Variants in CD209 observed in about 807,000 individuals in gnomAD.
CD209 encodes the protein CD209 antigen.
A neutral mutation model predicts 44.7 loss-of-function variants in CD209; 31 were observed. The ratio of observed to expected loss-of-function variants is 0.69; its 90% confidence interval spans 0.52 to 0.94. CD209 has a LOEUF of 0.94. CD209 is among the 40% of genes least tolerant of loss of function. CD209 has a pLI of 0.00. For missense variants in CD209, 407 were observed against 452.4 expected, an observed-to-expected ratio of 0.90 and a Z score of 0.91; for synonymous variants, 173 against 181.3, an observed-to-expected ratio of 0.95 and a Z score of 0.37.
Position 7,741,132 on chromosome 19 carries a change from C to A in CD209, c.*1907G>T. On this transcript the variant is annotated 3_prime_UTR_variant, in exon 7 of 7. Transcript: ENST00000315599. ...TGGAGTACAGCGAGGAAGAAACCTA[C>A]CAACAGTTCCTAGATTTCTGTGAGG... 1 of 1,072,902 alleles carries A rather than the reference C, an allele frequency of 9.3e-7. No homozygotes were observed. The highest frequency in any genetic ancestry group is 1.4e-6 in the Non-Finnish European group (1 of 734,080). 66.5% of individuals were successfully genotyped at this position (1,072,902 alleles called of 1,614,324 possible).
At position 7,746,026 on chromosome 19, in the gene CD209, G is replaced by A; in HGVS notation, c.240C>T (p.Asn80=). 1 of 1,614,228 alleles carries A rather than the reference G, an allele frequency of 6.2e-7. No homozygotes were observed. The highest frequency in any genetic ancestry group is 8.5e-7 in the Non-Finnish European group (1 of 1,180,032). Residue 80 remains asparagine, a synonymous_variant, in exon 4 of 7, where the codon AAC becomes AAT. Transcript: ENST00000315599. ...CCACTGCAGCTTTAAGCTGGGTCAG[G>A]TTCTGGTAGATCGCGTCTTGCCTGG... ...EQSRQDAIYQ[N]LTQLKAAVGE...
At chr19:7,744,033 A>G (rs893185978) in intron 6 of CD209, 74 bp downstream of exon 6, 2 of 1,224,886 alleles carry the variant, frequency 1.6e-6, no homozygotes, top group African/African-American at 3.0e-5. Context: ...GTTGGGGAGG[A>G]TCCCCAGGGA....
In CD209 at chr19:7,741,795, C is replaced by G; in HGVS notation, c.*1244G>C. On this transcript the variant is annotated 3_prime_UTR_variant, in exon 7 of 7. Coordinates refer to ENST00000315599, the MANE Select transcript of CD209 (RefSeq NM_021155.4). ...TTGAGAAATCCAATAGAGACCTCTGCTTGTCTCCTCCTTTGGCAAGAGCTC... is the reference window on the plus strand; with the variant it reads ...TTGAGAAATCCAATAGAGACCTCTGGTTGTCTCCTCCTTTGGCAAGAGCTC... 2.0e-6 allele frequency: 1 copy of G among 510,426 alleles called. No individual in the cohort carries two copies. The highest frequency in any genetic ancestry group is 3.8e-6 in the Non-Finnish European group (1 of 260,318). The allele number at this position is 510,426 out of a possible 1,614,324, so 31.6% of individuals were successfully genotyped here.
chr19:7,744,270 G>A (rs753415943), intron 5 of CD209, 51 bp from the exon 6 acceptor site: 1 of 1,352,050 alleles, frequency 7.4e-7, no homozygotes, highest in Non-Finnish European at 1.1e-6. Flanking sequence ...CATTTTCCAG[G>A]CTCTGTCTCC....
intron 3 of CD209, 137 bp from the exon 4 acceptor site, chr19:7,746,224 C>T (rs920481336): frequency 7.5e-7 from 1 of 1,333,294 alleles, no homozygotes; most frequent in East Asian, 2.4e-5. Context: ...AAAACTGACA[C>T]CTGGAGAAGG....
Position 7,745,587 on chromosome 19 carries a change from C to G in CD209, c.679G>C (p.Gly227Arg), listed in dbSNP as rs1349063109. ...TGCTTAGATTTCTCTGGAAGCTCAC[C>G]CACTGCAGCCTTCAGCCGGGTCAGC... Reference protein sequence around the residue: ...QELTRLKAAVGELPEKSKQQE... With the variant: ...QELTRLKAAVRELPEKSKQQE... The change falls in exon 4 of 7, where the codon GGT becomes CGT. Residue 227 changes from glycine to arginine, a missense_variant. Around this residue, in one of 3 missense-constraint regions of CD209, gnomAD observed 85 missense variants for 139.9 expected, o/e 0.61. Transcript: ENST00000315599. 1 of 1,530,584 alleles carries G rather than the reference C, an allele frequency of 6.5e-7. No individual in the cohort carries two copies. Among genetic ancestry groups the G allele is most frequent in the African/African-American group, 1.4e-5 (1 of 73,178 alleles). The allele number at this position is 1,530,584 out of a possible 1,614,324, so 94.8% of individuals were successfully genotyped here.
intron 4 of CD209, 97 bp downstream of exon 4, chr19:7,745,421 A>G: frequency 6.2e-7 from 1 of 1,603,934 alleles, no homozygotes; most frequent in Non-Finnish European, 8.5e-7. Flanking sequence ...CATTTCACAG[A>G]TGAGGAAACT....
intron 2 of CD209, 124 bp downstream of exon 2, chr19:7,747,182 G>A (rs963418882): frequency 1.0e-5 from 10 of 968,708 alleles, no homozygotes; most frequent in Non-Finnish European, 1.4e-5. Flanking sequence ...CAGGTCCCAG[G>A]AGTCCAGGCC....
intron 4 of CD209, 143 bp from the exon 5 acceptor site, chr19:7,745,235 A>T: frequency 8.3e-7 from 1 of 1,204,282 alleles, no homozygotes; most frequent in African/African-American, 1.5e-5. Flanking sequence ...ACTTCCCGAG[A>T]CCCTCCCCCA....
chr19:7,744,859 G>T, intron 5 of CD209, 82 bp downstream of exon 5: 1 of 1,559,242 alleles, frequency 6.4e-7, no homozygotes, highest in Admixed American at 1.8e-5. Context: ...CCCCTCTTCT[G>T]CAAAGTCATC....
chr19:7,743,954 A>G (rs73493975), intron 6 of CD209, among the ~76,000 whole-genome samples, 153 bp downstream of exon 6: 5,463 of 152,256 alleles, frequency 0.036, 254 homozygotes, highest in African/African-American at 0.11. Context: ...GCTGTCTGGA[A>G]GTGGGTATGA....
rs1458488221 is a variant in CD209 at position 7,741,157 on chromosome 19, G to C, written c.*1882C>G. On this transcript the variant is annotated 3_prime_UTR_variant, in exon 7 of 7. Transcript: ENST00000315599. ...CCAACAGTTCCTAGATTTCTGTGAG[G>C]ATGTGCTGCCCGAGTTCAAGAACGT... is the stretch of plus-strand genomic sequence containing the variant. 3 of 1,046,598 alleles carry C rather than the reference G, an allele frequency of 2.9e-6. No individual in the cohort carries two copies. The African/African-American group carries it at 4.8e-5, about 17-fold the overall frequency. The allele number at this position is 1,046,598 out of a possible 1,614,324, so 64.8% of individuals were successfully genotyped here.
intron 3 of CD209, 55 bp from the exon 4 acceptor site, chr19:7,746,142 C>T: frequency 1.2e-6 from 2 of 1,605,188 alleles, no homozygotes; most frequent in Non-Finnish European, 1.7e-6. Flanking sequence ...GTGTGCCAAG[C>T]CTTGAACTGA....
rs11465404 is a variant in CD209, at chr19:7,741,597, G to A, written c.*1442C>T. The A allele has an allele frequency of 7.2e-6, 6 of 838,008 alleles. No homozygotes were observed. Among genetic ancestry groups the A allele is most frequent in the Non-Finnish European group, 1.2e-5 (6 of 505,710 alleles). The allele number at this position is 838,008 out of a possible 1,614,324, so 51.9% of individuals were successfully genotyped here. A position where few individuals can be genotyped will look rare whatever the true frequency, so the allele number is the denominator to read the frequency against. On this transcript the variant is annotated 3_prime_UTR_variant, in exon 7 of 7. Coordinates refer to ENST00000315599, the MANE Select transcript of CD209 (RefSeq NM_021155.4). ...GGGCAAGTATATATGTTCAGTACCAGTCGGAAGAAGAATGCCAAGCAGCTC... is the reference window on the plus strand; with the variant it reads ...GGGCAAGTATATATGTTCAGTACCAATCGGAAGAAGAATGCCAAGCAGCTC...
At chr19:7,743,304 T>C (rs779368115) in intron 6 of CD209, 64 bp from the exon 7 acceptor site, 1 of 1,400,116 alleles carries the variant, frequency 7.1e-7, no homozygotes, top group East Asian at 2.3e-5. Flanking sequence ...TGTTTCTACC[T>C]TCTGTCATCT....
At position 7,741,648 on chromosome 19, in the gene CD209, T is replaced by C; in HGVS notation, c.*1391A>G. On this transcript the variant is annotated 3_prime_UTR_variant, in exon 7 of 7. Coordinates refer to ENST00000315599, the MANE Select transcript of CD209 (RefSeq NM_021155.4). ...TTTCTCTGTTTAACGGACGATGGTA[T>C]GTACGCAGGACGACAGCTTCAGTGT... 1.1e-6 allele frequency: 1 copy of C among 884,260 alleles called. No homozygotes were observed. Among genetic ancestry groups the C allele is most frequent in the Admixed American group, 1.8e-5 (1 of 55,340 alleles). The allele number at this position is 884,260 out of a possible 1,614,324, so 54.8% of individuals were successfully genotyped here.
chr19:7,740,324 G>T lies in CD209; in HGVS notation c.*2715C>A. The T allele has an allele frequency of 2.0e-6, 1 of 504,802 alleles. No homozygotes were observed. Among genetic ancestry groups the T allele is most frequent in the Non-Finnish European group, 3.7e-6 (1 of 273,678 alleles). The allele number at this position is 504,802 out of a possible 1,614,324, so 31.3% of individuals were successfully genotyped here. Reference sequence around the variant, plus strand: ...AGGGTATGTAACTTGCAACCTGGGGGTCCACGACAACTGAAAAACAACTCG... The same window carrying T: ...AGGGTATGTAACTTGCAACCTGGGGTTCCACGACAACTGAAAAACAACTCG... On this transcript the variant is annotated 3_prime_UTR_variant, in exon 7 of 7. Transcript: ENST00000315599.
intron 2 of CD209, among the ~76,000 whole-genome samples, 183 bp downstream of exon 2, chr19:7,747,123 C>A (rs1266631554): frequency 6.6e-6 from 1 of 151,764 alleles, no homozygotes; most frequent in African/African-American, 2.4e-5. Flanking sequence ...TTGGCCCCAG[C>A]CTCCACCTTC....
chr19:7,740,499 C>G lies in CD209; in HGVS notation c.*2540G>C. On this transcript the variant is annotated 3_prime_UTR_variant, in exon 7 of 7. Transcript: ENST00000315599. ...GGTGACATTTCCAGAGAAACCAAGC[C>G]ACAAAAAGTACAGGGCCGCCCTGAA... 8.9e-7 allele frequency: 1 copy of G among 1,124,566 alleles called. No individual in the cohort carries two copies. Among genetic ancestry groups the G allele is most frequent in the East Asian group, 2.4e-5 (1 of 42,312 alleles). The allele number at this position is 1,124,566 out of a possible 1,614,324, so 69.7% of individuals were successfully genotyped here.
Sources: gnomAD v4.1 joint callset for allele counts (sites outside exome capture counted in the v4.1 genomes callset) on GRCh38, gnomAD v4.1.1 for gene constraint, gnomAD v4.1.1 regional missense constraint, MANE v1.5 for transcripts, NCBI Gene and HGNC (gene_info 2026-07-23, HGNC 2026-07-21) for gene names.